The following USH2A variants were observed in gnomAD, a reference collection of about 807,000 sequenced individuals.
USH2A encodes usherin, also known as Usher syndrome 2A (autosomal recessive, mild).
In USH2A, 443 loss-of-function variants were observed where a neutral mutation model predicts 538.9. The ratio of observed to expected loss-of-function variants is 0.82; its 90% CI spans 0.76 to 0.89. USH2A has a LOEUF of 0.89. USH2A is among the 40% of genes least tolerant of loss of function. USH2A has a pLI of 0.00. For missense variants in USH2A, 6,633 were observed against 6,324.8 expected, an observed-to-expected ratio of 1.05 and a Z score of -1.65; for synonymous variants, 2,413 against 2,273.5, an observed-to-expected ratio of 1.06 and a Z score of -1.75.
At chr1:216,369,955 T>A (rs1178010645) in intron 3 of USH2A, among the ~76,000 whole-genome samples, 1 of 147,946 alleles carries the variant, frequency 6.8e-6, no homozygotes, top group Non-Finnish European at 1.5e-5. Context: ...TGTCAGACAT[T>A]GTTCTAAAAT....
intron 64 of USH2A, among the ~76,000 whole-genome samples, chr1:215,660,403 G>T (rs189875319): frequency 2.1e-4 from 32 of 152,224 alleles, no homozygotes; most frequent in African/African-American, 7.7e-4. Flanking sequence ...ACAGTTTGGG[G>T]GATCTAGTGG....
intron 14 of USH2A, among the ~76,000 whole-genome samples, chr1:216,227,962 G>C (rs914213905): frequency 7.9e-5 from 12 of 152,110 alleles, no homozygotes; most frequent in Non-Finnish European, 1.0e-4. Flanking sequence ...CCCACAATCA[G>C]GTACTCAAAA....
chr1:216,290,083 T>C (rs1007138743), intron 10 of USH2A, among the ~76,000 whole-genome samples: 4 of 152,152 alleles, frequency 2.6e-5, no homozygotes, highest in Admixed American at 2.0e-4. Context: ...CTATATTATG[T>C]AATAAAAAAC....
intron 38 of USH2A, among the ~76,000 whole-genome samples, chr1:215,911,787 G>T (rs912906936): frequency 6.6e-6 from 1 of 151,954 alleles, no homozygotes; most frequent in Non-Finnish European, 1.5e-5. Context: ...ACCTCCAAAT[G>T]GTTCTCCATA....
At chr1:215,701,776 G>A (rs962599422) in intron 61 of USH2A, among the ~76,000 whole-genome samples, 1 of 152,098 alleles carries the variant, frequency 6.6e-6, no homozygotes, top group African/African-American at 2.4e-5. Context: ...TATCCAATTT[G>A]CCAGTCTGTG....
intron 37 of USH2A, among the ~76,000 whole-genome samples, chr1:215,938,291 C>A (rs1666556726): frequency 6.6e-6 from 1 of 152,072 alleles, no homozygotes; most frequent in Non-Finnish European, 1.5e-5. Context: ...CAATGAAGCT[C>A]AAAAATTTCC....
intron 21 of USH2A, among the ~76,000 whole-genome samples, chr1:216,111,767 C>T (rs2032879150): frequency 6.6e-6 from 1 of 150,382 alleles, no homozygotes; most frequent in Non-Finnish European, 1.5e-5. Flanking sequence ...AAAATTTTCA[C>T]ATAAAATTAA....
intron 61 of USH2A, among the ~76,000 whole-genome samples, chr1:215,689,614 C>T (rs1458492428): frequency 6.6e-6 from 1 of 152,184 alleles, no homozygotes; most frequent in Admixed American, 6.5e-5. Flanking sequence ...AAGTGAAATC[C>T]TTCAGCTGGT....
rs2102458380 is a variant in USH2A at position 215,970,670 on chromosome 1, G to A, written c.6912C>T (p.Phe2304=). ...CTTTGGCCGTGCATGCTTGGACTCT[G>A]AAGGAATGTAAACTCCAAGGAGCAA... ...YGFAPWSLHS[F]RVQACTAKGC... is the part of the protein sequence containing the mutation. The change falls in exon 36 of 72, where the codon TTC becomes TTT. Residue 2304 remains phenylalanine (F), a synonymous_variant. Transcript: ENST00000307340. 1 of 1,613,670 alleles carries A rather than the reference G, an allele frequency of 6.2e-7. No homozygotes were observed. Among genetic ancestry groups the A allele is most frequent in the African/African-American group, 1.3e-5 (1 of 74,990 alleles).
chr1:215,671,370 C>T, intron 63 of USH2A, 77 bp from the exon 64 acceptor site: 1 of 1,407,650 alleles, frequency 7.1e-7, no homozygotes, highest in South Asian at 1.2e-5. Context: ...AACACCAGGC[C>T]TTAAAAAAAA....
chr1:216,073,443 C>A, intron 27 of USH2A, 143 bp from the exon 28 acceptor site: 1 of 812,430 alleles, frequency 1.2e-6, no homozygotes, highest in African/African-American at 1.7e-5. Context: ...CTTGGAAAAC[C>A]TTTTATGCCT....
At position 216,190,231 on chromosome 1, in the gene USH2A, A is replaced by G. The variant is rs2034687690; in HGVS notation, c.4388T>C (p.Leu1463Ser). ...VTSASGAGQT[L>S]AAAPAQLRPP... ...CATTAAAACTTGCTTACCTGCTGCT[A>G]AAGTTTGTCCTGCTCCCGAAGCACT... Residue 1463 changes from leucine (L) to serine (S), a missense_variant, in exon 20 of 72, where the codon TTA (leucine) becomes TCA (serine). Physicochemically the swap from Leu to Ser is moderately radical, Grantham distance 145 (BLOSUM62 -2). Coordinates refer to ENST00000307340, the MANE Select transcript of USH2A (RefSeq NM_206933.4). The G allele has an allele frequency of 1.2e-6, 2 of 1,612,320 alleles. No homozygotes were observed. Among genetic ancestry groups the G allele is most frequent in the South Asian group, 2.2e-5 (2 of 91,066 alleles).
At chr1:215,802,644 T>C (rs60274418) in intron 49 of USH2A, among the ~76,000 whole-genome samples, 3,487 of 152,190 alleles carry the variant, frequency 0.023, 151 homozygotes, top group African/African-American at 0.081. Flanking sequence ...TTGGCACACT[T>C]ATGCGTTGTT....
chr1:215,879,995 G>A (rs561343813), intron 41 of USH2A, among the ~76,000 whole-genome samples: 2 of 152,254 alleles, frequency 1.3e-5, no homozygotes, highest in East Asian at 1.9e-4. Context: ...CAGCCTGTAA[G>A]CTTCTTCATA....
chr1:216,232,876 A>C (rs903000628), intron 13 of USH2A, among the ~76,000 whole-genome samples: 2 of 152,182 alleles, frequency 1.3e-5, no homozygotes, highest in African/African-American at 2.4e-5. Flanking sequence ...TGCATGAATT[A>C]TTATTACATC....
intron 21 of USH2A, among the ~76,000 whole-genome samples, chr1:216,167,368 G>T (rs1033590872): frequency 2.0e-5 from 3 of 152,118 alleles, no homozygotes; most frequent in Admixed American, 6.6e-5. Context: ...CACCTGAGAC[G>T]GGTGATCAGC....
chr1:215,832,395 T>C (rs1180115209), intron 47 of USH2A, among the ~76,000 whole-genome samples: 1 of 151,930 alleles, frequency 6.6e-6, no homozygotes, highest in Non-Finnish European at 1.5e-5. Context: ...AAGATAATAG[T>C]ATATTGCATC....
chr1:215,928,492 T>G (rs912675910), intron 38 of USH2A, among the ~76,000 whole-genome samples: 1 of 152,144 alleles, frequency 6.6e-6, no homozygotes, highest in African/African-American at 2.4e-5. Flanking sequence ...CATATACACA[T>G]ACACAATCTA....
At chr1:215,991,716 A>G (rs1668008270) in intron 35 of USH2A, among the ~76,000 whole-genome samples, 1 of 152,208 alleles carries the variant, frequency 6.6e-6, no homozygotes, top group Admixed American at 6.5e-5. Flanking sequence ...AATGTGGAAA[A>G]TGTTTCCCTG....
Sources: gnomAD v4.1 joint callset for allele counts (sites outside exome capture counted in the v4.1 genomes callset) on GRCh38, gnomAD v4.1.1 for gene constraint, MANE v1.5 for transcripts, NCBI Gene and HGNC (gene_info 2026-07-23, HGNC 2026-07-21) for gene names.